Variants in CLVS1 observed in about 807,000 individuals in gnomAD.
CLVS1 encodes the protein clavesin-1.
CLVS1 carries 10 observed loss-of-function variants against 33.1 expected under a neutral mutation model. The ratio of observed to expected loss-of-function variants is 0.30; its 90% confidence interval spans 0.19 to 0.51. The LOEUF is 0.51. Ranked by LOEUF, CLVS1 falls within the 20% of genes least tolerant of loss-of-function variation. The pLI is 0.97. For synonymous variants in CLVS1, 163 were observed against 166.1 expected, an observed-to-expected ratio of 0.98 and a Z score of 0.14; for missense variants, 343 against 433.4, an observed-to-expected ratio of 0.79 and a Z score of 1.85.
At chr8:61,374,442 G>A (rs1054752768) in intron 2 of CLVS1, among the ~76,000 whole-genome samples, 4 of 152,020 alleles carry the variant, frequency 2.6e-5, no homozygotes, top group East Asian at 1.9e-4. Context: ...GATCATTTCC[G>A]GTTTACCAAT....
intron 1 of CLVS1, among the ~76,000 whole-genome samples, chr8:61,129,191 T>C (rs1050904423): frequency 2.0e-5 from 3 of 152,260 alleles, no homozygotes; most frequent in African/African-American, 4.8e-5. Flanking sequence ...GAGTAACTCA[T>C]GGTTGCTGTT....
intron 2 of CLVS1, among the ~76,000 whole-genome samples, chr8:61,230,960 A>G (rs1808419370): frequency 6.6e-6 from 1 of 152,122 alleles, no homozygotes; most frequent in South Asian, 2.1e-4. Flanking sequence ...TACTAATCCT[A>G]TTCATGAGGG....
chr8:61,427,801 T>A (rs1335455323), intron 3 of CLVS1, among the ~76,000 whole-genome samples: 3 of 152,220 alleles, frequency 2.0e-5, no homozygotes, highest in African/African-American at 2.4e-5. Context: ...TATATCCTTT[T>A]TGGTAACACT....
At chr8:61,282,217 CTCAG>C (rs2129593243) in intron 2 of CLVS1, among the ~76,000 whole-genome samples, 1 of 152,282 alleles carries the variant, frequency 6.6e-6, no homozygotes, top group Non-Finnish European at 1.5e-5. Flanking sequence ...CAAAAAGAAT[CTCAG>C]TAAGTAGAAG....
chr8:61,197,903 C>G (rs534823409), intron 2 of CLVS1, among the ~76,000 whole-genome samples: 2 of 152,322 alleles, frequency 1.3e-5, no homozygotes, highest in Admixed American at 1.3e-4. Flanking sequence ...CTCTCCCTCC[C>G]CAAAGTGCAC....
At chr8:61,445,081 T>G (rs773966152) in intron 3 of CLVS1, among the ~76,000 whole-genome samples, 1 of 152,226 alleles carries the variant, frequency 6.6e-6, no homozygotes, top group Admixed American at 6.5e-5. Context: ...GAAAACATGA[T>G]TAATACAATT....
At chr8:61,232,429 C>A (rs572949822) in intron 2 of CLVS1, among the ~76,000 whole-genome samples, 4 of 152,030 alleles carry the variant, frequency 2.6e-5, no homozygotes, top group Admixed American at 1.3e-4. Flanking sequence ...TGGGAGGCCA[C>A]GTTTGGGACT....
At chr8:61,180,753 A>G (rs1437046184) in intron 2 of CLVS1, among the ~76,000 whole-genome samples, 1 of 152,252 alleles carries the variant, frequency 6.6e-6, no homozygotes, top group African/African-American at 2.4e-5. Flanking sequence ...GATTATCTCA[A>G]TAGATGCAAA....
chr8:61,052,144 C>T, the CLVS1 span, among the ~76,000 whole-genome samples: 7 of 152,202 alleles, frequency 4.6e-5, no homozygotes, highest in Admixed American at 2.0e-4. Context: ...AAAGCCACTC[C>T]GTTTAATTCA....
In CLVS1 at chr8:61,257,091, C is replaced by A. The variant is rs571220498; in HGVS notation, c.-151-42586C>A. Reference sequence around the variant, plus strand: ...TGGCTTTGATCGATCATAACACATACATTTTATAATGGGGTAAAATCAATT... The same window carrying A: ...TGGCTTTGATCGATCATAACACATAAATTTTATAATGGGGTAAAATCAATT... On this transcript the variant is annotated intron_variant, in intron 2 of 2. Coordinates refer to the CLVS1 transcript ENST00000522621. 5.3e-5 allele frequency among the ~76,000 whole-genome samples: 8 copies of A among 152,294 alleles called. No homozygotes were observed. In the East Asian group the frequency reaches 1.2e-3, roughly 22 times the overall value.
intron 3 of CLVS1, chr8:61,377,559 A>G (rs1339004092): frequency 6.6e-6 from 1 of 152,238 alleles, no homozygotes; most frequent in Non-Finnish European, 1.5e-5. Flanking sequence ...CATAGACGGC[A>G]GTTATAGGCA....
rs1266132399 is a variant in CLVS1, at chr8:61,253,428, T to C, written c.-151-46249T>C. On this transcript the variant is annotated intron_variant, in intron 2 of 2. Coordinates refer to the CLVS1 transcript ENST00000522621. ...AGTTGCTCTTCTCGAGGAGTAACTT[T>C]GTGGCATTCTCTGTATTTCCTGAAT... 2.0e-5 allele frequency among the ~76,000 whole-genome samples: 3 copies of C among 152,220 alleles called. No individual in the cohort carries two copies. The East Asian group carries it at 5.8e-4, about 29-fold the overall frequency.
chr8:61,371,626 G>A (rs1813443664), intron 2 of CLVS1, among the ~76,000 whole-genome samples: 3 of 152,134 alleles, frequency 2.0e-5, no homozygotes, highest in Admixed American at 6.5e-5. Flanking sequence ...GTCTAGCACT[G>A]GGATCAAGTT....
chr8:61,313,889 G>A (rs1027784645), intron 2 of CLVS1, among the ~76,000 whole-genome samples: 4 of 152,116 alleles, frequency 2.6e-5, no homozygotes, highest in African/African-American at 4.8e-5. Context: ...AGAGCACATC[G>A]TCGAGGCAGC....
intron 3 of CLVS1, among the ~76,000 whole-genome samples, chr8:61,418,391 T>TA (rs553249185): frequency 6.8e-4 from 104 of 152,292 alleles, no homozygotes; most frequent in Non-Finnish European, 8.5e-4. Context: ...ATGCTTTTTT[T>TA]ACCTAATGAA....
intron 1 of CLVS1, among the ~76,000 whole-genome samples, chr8:61,088,632 T>TC (rs1331861300): frequency 6.6e-6 from 1 of 152,136 alleles, no homozygotes; most frequent in Non-Finnish European, 1.5e-5. Flanking sequence ...CAGGGTATAT[T>TC]CCTAAGAGTG....
intron 3 of CLVS1, among the ~76,000 whole-genome samples, chr8:61,440,110 ATC>A (rs1816483934): frequency 2.0e-5 from 3 of 152,302 alleles, no homozygotes; most frequent in Admixed American, 2.0e-4. Flanking sequence ...GTCTTTCTCC[ATC>A]TCTCTCACTA....
Position 61,423,033 on chromosome 8 carries a change from C to G in CLVS1, c.631-31108C>G, listed in dbSNP as rs924850231. The stretch of plus-strand genomic sequence containing the variant: ...ATGGACTGCTATTAGACTTCAGGGT[C>G]CACTGATTGTTCTTAATGGGAAGCT... On this transcript the variant is annotated intron_variant, in intron 3 of 5. Coordinates refer to ENST00000325897, the MANE Select transcript of CLVS1 (RefSeq NM_173519.3). Among the ~76,000 whole-genome samples, 5 of 152,132 alleles carry G rather than the reference C, an allele frequency of 3.3e-5. 1 individual carries two copies. The highest frequency in any genetic ancestry group is 2.6e-4 in the Admixed American group (4 of 15,276).
intron 3 of CLVS1, among the ~76,000 whole-genome samples, chr8:61,412,854 AT>A: frequency 6.6e-6 from 1 of 152,324 alleles, no homozygotes; most frequent in East Asian, 1.9e-4. Context: ...GAAGCTCTAA[AT>A]TTGTTAGCTT....
Sources: allele counts gnomAD v4.1 joint callset (sites outside exome capture counted in the v4.1 genomes callset), GRCh38; gene constraint gnomAD v4.1.1; transcripts MANE v1.5; gene names NCBI Gene and HGNC (gene_info 2026-07-23, HGNC 2026-07-21).